Variants in LRRC49 observed in about 807,000 individuals in gnomAD.
LRRC49 encodes the protein leucine rich repeat containing 49, also known as leucine-rich repeat-containing protein 49.
In LRRC49, 50 loss-of-function variants were observed where a neutral mutation model predicts 83.3. That is an observed-to-expected ratio of 0.60 (90% CI 0.48 to 0.76). LRRC49 has a LOEUF of 0.76. Ranked by LOEUF, LRRC49 falls within the 30% of genes least tolerant of loss-of-function variation. The pLI is 0.00. For synonymous variants in LRRC49, 286 were observed against 283.3 expected, an observed-to-expected ratio of 1.01 and a Z score of -0.10; for missense variants, 704 against 809.1, an observed-to-expected ratio of 0.87 and a Z score of 1.58.
At chr15:71,012,075 G>A (rs980103862) in intron 13 of LRRC49, among the ~76,000 whole-genome samples, 1 of 152,086 alleles carries the variant, frequency 6.6e-6, no homozygotes, top group Non-Finnish European at 1.5e-5. Flanking sequence ...GACATTGCCA[G>A]TTGTTCTGTA....
intron 11 of LRRC49, among the ~76,000 whole-genome samples, chr15:70,989,991 A>T (rs933799881): frequency 2.0e-5 from 3 of 152,010 alleles, no homozygotes; most frequent in Non-Finnish European, 2.9e-5. Context: ...TTCCTCTTGA[A>T]GTTTTGTCTC....
chr15:70,941,907 T>C (rs2035831925), intron 8 of LRRC49, among the ~76,000 whole-genome samples: 1 of 152,176 alleles, frequency 6.6e-6, no homozygotes, highest in Admixed American at 6.5e-5. Flanking sequence ...TATGAGTCAG[T>C]TGGAGGGTTT....
chr15:70,860,136 A>C (rs992627715), intron 1 of LRRC49: 2 of 697,420 alleles, frequency 2.9e-6, no homozygotes, highest in African/African-American at 3.5e-5. Flanking sequence ...GCTGGTGTCC[A>C]AGTCCTCTGA....
intron 14 of LRRC49, among the ~76,000 whole-genome samples, chr15:71,027,122 A>C (rs964111954): frequency 6.6e-6 from 1 of 152,214 alleles, no homozygotes; most frequent in African/African-American, 2.4e-5. Context: ...TTTTTGTAAA[A>C]GGTGTAAGGA....
intron 5 of LRRC49, chr15:70,907,850 A>T (rs1187314308): frequency 2.4e-6 from 1 of 411,334 alleles, no homozygotes; most frequent in Non-Finnish European, 4.9e-6. Context: ...TTCAGGTCAC[A>T]TTGGTGTTAA....
chr15:70,931,328 A>G (rs545260802), intron 7 of LRRC49, among the ~76,000 whole-genome samples: 3 of 152,322 alleles, frequency 2.0e-5, no homozygotes, highest in African/African-American at 4.8e-5. Flanking sequence ...TAAGTTTGCA[A>G]CCTTCTATGG....
At chr15:70,903,791 G>T (rs1167895379) in intron 4 of LRRC49, among the ~76,000 whole-genome samples, 1 of 151,882 alleles carries the variant, frequency 6.6e-6, no homozygotes, top group Non-Finnish European at 1.5e-5. Context: ...ATTCTTAAAG[G>T]GCCCTGAACT....
At chr15:70,861,902 G>A (rs2032798820) in intron 1 of LRRC49, among the ~76,000 whole-genome samples, 1 of 152,088 alleles carries the variant, frequency 6.6e-6, no homozygotes, top group South Asian at 2.1e-4. Context: ...TCCAGCCTGG[G>A]TGACAGAGTG....
At chr15:71,043,627 A>C (rs1250130543) in intron 15 of LRRC49, among the ~76,000 whole-genome samples, 2 of 152,212 alleles carry the variant, frequency 1.3e-5, no homozygotes, top group Non-Finnish European at 2.9e-5. Context: ...GGAGATGCAG[A>C]ATAGTTGGCT....
chr15:70,984,195 C>A lies in LRRC49; in HGVS notation c.1107C>A (p.Asp369Glu). ...IATNEDRKDS[D>E]SPQDPCQIDG... Reference sequence around the variant, plus strand: ...CAAATGAAGATAGAAAAGATTCTGACTCTCCTCAGGACCCCTGTCAGATTG... The same window carrying A: ...CAAATGAAGATAGAAAAGATTCTGAATCTCCTCAGGACCCCTGTCAGATTG... Residue 369 changes from aspartate to glutamate, a missense_variant, in exon 11 of 16, where the codon GAC becomes GAA. Asp to Glu is a conservative substitution (Grantham distance 45, BLOSUM62 2). Coordinates refer to ENST00000260382, the MANE Select transcript of LRRC49 (RefSeq NM_017691.5). 1 of 1,613,440 alleles carries A rather than the reference C, an allele frequency of 6.2e-7. No individual in the cohort carries two copies. The highest frequency in any genetic ancestry group is 1.7e-5 in the Admixed American group (1 of 59,964).
At chr15:70,908,115 C>T in intron 5 of LRRC49, 2 of 418,914 alleles carry the variant, frequency 4.8e-6, no homozygotes, top group Non-Finnish European at 4.9e-6. Flanking sequence ...AACGACTTGG[C>T]TGTTTTTCTT....
intron 2 of LRRC49, chr15:70,882,745 A>G: frequency 6.2e-7 from 1 of 1,613,968 alleles, no homozygotes; most frequent in South Asian, 1.1e-5. Context: ...TAATCCATTG[A>G]AGAGTCAAAA....
chr15:70,967,574 A>C (rs1401523777), intron 9 of LRRC49, among the ~76,000 whole-genome samples: 1 of 152,144 alleles, frequency 6.6e-6, no homozygotes, highest in East Asian at 1.9e-4. Context: ...ATAAAGATTA[A>C]TAAGATAAAA....
chr15:70,856,704 G>T (rs542338640), intron 1 of LRRC49, among the ~76,000 whole-genome samples: 7 of 152,150 alleles, frequency 4.6e-5, no homozygotes, highest in Non-Finnish European at 1.0e-4. Flanking sequence ...AGTCCAACTC[G>T]ATCACGTTTG....
At chr15:70,865,699 C>T (rs1334908467) in intron 1 of LRRC49, among the ~76,000 whole-genome samples, 1 of 152,106 alleles carries the variant, frequency 6.6e-6, no homozygotes, top group Non-Finnish European at 1.5e-5. Context: ...AGAACTCTGC[C>T]CCAGACTTTC....
chr15:70,913,951 A>T (rs909920409), intron 6 of LRRC49, among the ~76,000 whole-genome samples: 16 of 152,140 alleles, frequency 1.1e-4, no homozygotes, highest in South Asian at 1.0e-3. Context: ...GTTCCTTGTT[A>T]GCTGACCTGT....
chr15:71,012,780 C>T (rs181674129), intron 13 of LRRC49, 24 bp from the exon 14 acceptor site: 138 of 1,360,320 alleles, frequency 1.0e-4, no homozygotes, highest in Middle Eastern at 9.1e-4. Context: ...CATTTTTTTA[C>T]CCCTTTCTAT....
At chr15:71,004,670 AAGAG>A (rs1036552007) in intron 11 of LRRC49, among the ~76,000 whole-genome samples, 1 of 151,824 alleles carries the variant, frequency 6.6e-6, no homozygotes, top group African/African-American at 2.4e-5. Context: ...AAAAGAAAGA[AAGAG>A]AGAAAATGTG....
intron 9 of LRRC49, among the ~76,000 whole-genome samples, chr15:70,975,871 C>G (rs909379338): frequency 6.6e-6 from 1 of 151,908 alleles, no homozygotes; most frequent in African/African-American, 2.4e-5. Flanking sequence ...CCAATATGCT[C>G]TGGTTCTCCT....
Sources: allele counts gnomAD v4.1 joint callset (sites outside exome capture counted in the v4.1 genomes callset), GRCh38; gene constraint gnomAD v4.1.1; transcripts MANE v1.5; gene names NCBI Gene and HGNC (gene_info 2026-07-23, HGNC 2026-07-21).